The following ZNF112 variants were observed in gnomAD, a reference collection of about 807,000 sequenced individuals.
The protein encoded by ZNF112 is zinc finger protein 112.
ZNF112 carries 37 observed loss-of-function variants against 77.7 expected under a neutral mutation model. That is an observed-to-expected ratio of 0.48 (90% CI 0.37 to 0.63). The LOEUF is 0.63. Ranked by LOEUF, ZNF112 falls within the 20% of genes least tolerant of loss-of-function variation. ZNF112 has a pLI of 0.00. For missense variants in ZNF112, 950 were observed against 1,077.4 expected (o/e 0.88, Z 1.66); for synonymous variants, 333 against 363.6 (o/e 0.92, Z 0.96).
rs117169046 is a variant in ZNF112 at position 44,342,003 on chromosome 19, A to G, written c.-3-1461T>C. On this transcript the variant is annotated intron_variant, in intron 1 of 3. Coordinates refer to ENST00000354340, the MANE Select transcript of ZNF112 (RefSeq NM_013380.4). ...GCCCAATGCTTATCTTCCTGTATGA[A>G]CATGAACCTCTTAACAGTGCAAACG... Among the ~76,000 whole-genome samples the G allele has an allele frequency of 9.4e-3, 1,435 of 152,302 alleles. 7 individuals are homozygous for G. Among genetic ancestry groups the G allele is most frequent in the Non-Finnish European group, 0.016 (1,074 of 68,020 alleles).
chr19:44,337,298 AATAT>A (rs1053671557), intron 2 of ZNF112, among the ~76,000 whole-genome samples: 4 of 122,884 alleles, frequency 3.3e-5, no homozygotes, highest in African/African-American at 1.3e-4. Flanking sequence ...ATATGTATAA[AATAT>A]ATATATATTT....
intron 1 of ZNF112, among the ~76,000 whole-genome samples, chr19:44,354,307 C>T (rs1970746380): frequency 6.6e-6 from 1 of 152,012 alleles, no homozygotes; most frequent in Admixed American, 6.6e-5. Context: ...ACAAACTATG[C>T]CTGTGTTGTA....
chr19:44,366,900 CCCTTATGTTA>C (rs1243995895), intron 1 of ZNF112, among the ~76,000 whole-genome samples: 1 of 152,090 alleles, frequency 6.6e-6, no homozygotes, highest in Non-Finnish European at 1.5e-5. Context: ...ACTACTATTC[CCCTTATGTTA>C]CATAAAAGGA....
At position 44,329,834 on chromosome 19, in the gene ZNF112, C is replaced by T. The variant is rs762140215; in HGVS notation, c.323G>A (p.Gly108Asp). The T allele has an allele frequency of 6.2e-7, 1 of 1,613,982 alleles. No homozygotes were observed. The highest frequency in any genetic ancestry group is 1.1e-5 in the South Asian group (1 of 91,082). The change falls in exon 4 of 4, where the codon GGT becomes GAT. Residue 108 changes from glycine to aspartate, a missense_variant. This residue lies in a region of ZNF112 where 560 missense variants were observed against 557.3 expected (regional missense o/e 1.00). Transcript: ENST00000354340. ...SSRQTWQQSA[G>D]GLIRCQDFLK... ...GAAATCTTGACACCTGATTAACCCA[C>T]CTGCACTTTGTTGCCAGGTCTGACG...
rs1347855119 is a variant in ZNF112, at chr19:44,337,416, TA to T, written c.125-699del. Among the ~76,000 whole-genome samples the T allele has an allele frequency of 2.1e-4, 10 of 46,690 alleles. 1 individual carries two copies. Among genetic ancestry groups the T allele is most frequent in the Non-Finnish European group, 3.5e-4 (8 of 22,714 alleles). 30.6% of individuals were successfully genotyped at this position (46,690 alleles called of 152,430 possible). ...TATATAATATATATTTTATATATAATAATATATATTATATATATATGTCTGT... is the reference window on the plus strand; with the variant it reads ...TATATAATATATATTTTATATATAATATATATATTATATATATATGTCTGT... On this transcript the variant is annotated intron_variant, in intron 2 of 3. Coordinates refer to ENST00000354340, the MANE Select transcript of ZNF112 (RefSeq NM_013380.4).
chr19:44,329,224 A>T lies in ZNF112; in HGVS notation c.933T>A (p.His311Gln), dbSNP rs761949035. The change falls in exon 4 of 4, where the codon CAT becomes CAA. Residue 311 changes from histidine to glutamine, a missense_variant. By Grantham distance (24) the His-to-Gln change is conservative (BLOSUM62 0). Around this residue, in one of 3 missense-constraint regions of ZNF112, gnomAD observed 560 missense variants for 557.3 expected, o/e 1.00. Coordinates refer to ENST00000354340, the MANE Select transcript of ZNF112 (RefSeq NM_013380.4). Reference protein sequence around the residue: ...IEREDDIENSHLKSYQRVHTE... With the variant: ...IEREDDIENSQLKSYQRVHTE... ...TATGCACTCTCTGATAGGATTTCAG[A>T]TGTGAATTCTCAATATCATCTTCTC... The T allele has an allele frequency of 4.3e-6, 7 of 1,613,882 alleles. No individual in the cohort carries two copies. The Admixed American group carries it at 1.0e-4, about 23-fold the overall frequency.
chr19:44,366,199 A>C (rs1970902782), intron 1 of ZNF112, among the ~76,000 whole-genome samples: 1 of 152,184 alleles, frequency 6.6e-6, no homozygotes, highest in African/African-American at 2.4e-5. Flanking sequence ...AATAAAAATA[A>C]ATTTAAATTT....
At chr19:44,357,713 A>C (rs1970808294), upstream of ZNF112, among the ~76,000 whole-genome samples, 1 of 152,162 alleles carries the variant, frequency 6.6e-6, no homozygotes, top group South Asian at 2.1e-4. Flanking sequence ...ACAAAATGTT[A>C]TTATTATGGG....
intron 1 of ZNF112, among the ~76,000 whole-genome samples, chr19:44,361,807 G>T (rs1970856989): frequency 6.6e-6 from 1 of 152,100 alleles, no homozygotes. Flanking sequence ...ATCAAAATTG[G>T]TTCATTAGTT....
intron 1 of ZNF112, among the ~76,000 whole-genome samples, chr19:44,354,984 T>C (rs1970760369): frequency 6.6e-6 from 1 of 152,114 alleles, no homozygotes; most frequent in Admixed American, 6.5e-5. Flanking sequence ...CAATTTATGA[T>C]CATCAACGTT....
intron 1 of ZNF112, among the ~76,000 whole-genome samples, chr19:44,347,486 T>C (rs1381453314): frequency 3.1e-4 from 18 of 58,482 alleles, no homozygotes; most frequent in African/African-American, 2.4e-3. Flanking sequence ...TTTGGGTTGA[T>C]TTTTTTTTTT....
intron 1 of ZNF112, among the ~76,000 whole-genome samples, chr19:44,342,914 G>A (rs185102246): frequency 1.6e-4 from 25 of 151,832 alleles, no homozygotes; most frequent in African/African-American, 2.2e-4. Flanking sequence ...AAAATTAAGC[G>A]GATAAAAATT....
chr19:44,347,729 C>G (rs1442503895), intron 1 of ZNF112, among the ~76,000 whole-genome samples: 1 of 151,874 alleles, frequency 6.6e-6, no homozygotes, highest in Non-Finnish European at 1.5e-5. Flanking sequence ...ACACAAAAAC[C>G]TCTAGCCAAG....
intron 1 of ZNF112, among the ~76,000 whole-genome samples, chr19:44,349,238 T>A (rs570635517): frequency 1.3e-5 from 2 of 152,206 alleles, no homozygotes; most frequent in South Asian, 4.1e-4. Flanking sequence ...CCACTGTGAC[T>A]CAGCATTAGG....
chr19:44,347,473 T>C (rs1970611905), intron 1 of ZNF112, among the ~76,000 whole-genome samples: 1 of 147,698 alleles, frequency 6.8e-6, no homozygotes, highest in South Asian at 2.1e-4. Context: ...TTTTCTGCCT[T>C]CTTTTGGGTT....
At position 44,343,359 on chromosome 19, in the gene ZNF112, CTT is replaced by C. The variant is rs1179912408; in HGVS notation, c.-3-2819_-3-2818del. 3 of 1,431,166 alleles carry C rather than the reference CTT, an allele frequency of 2.1e-6. No individual in the cohort carries two copies. The African/African-American group carries it at 4.3e-5, about 21-fold the overall frequency. The allele number at this position is 1,431,166 out of a possible 1,614,324, so 88.7% of individuals were successfully genotyped here. The stretch of plus-strand genomic sequence containing the variant: ...AGCCATGATTAAAAGGGAAACGTAT[CTT>C]TGTGCAAATTAGAAAAAGGTGTCCC... On this transcript the variant is annotated intron_variant, in intron 1 of 3. Coordinates refer to ENST00000354340, the MANE Select transcript of ZNF112 (RefSeq NM_013380.4).
Position 44,356,619 on chromosome 19 carries a change from C to A in ZNF112, c.-4+7G>T. 6.6e-6 allele frequency: 1 copy of A among 152,586 alleles called. No individual in the cohort carries two copies. The allele number at this position is 152,586 out of a possible 1,614,324, so 9.5% of individuals were successfully genotyped here. On this transcript the variant is annotated splice_region_variant and intron_variant, in intron 1 of 3. Coordinates refer to ENST00000354340, the MANE Select transcript of ZNF112 (RefSeq NM_013380.4). ...AAGGAGCAGGAAGCAGGGCGGGGAGCGCTCACCTTTCTGGGAGGAACGAAG... is the reference window on the plus strand; with the variant it reads ...AAGGAGCAGGAAGCAGGGCGGGGAGAGCTCACCTTTCTGGGAGGAACGAAG...
At chr19:44,362,252 TAGGAGGAGGAGAA>T (rs1970862125) in intron 1 of ZNF112, among the ~76,000 whole-genome samples, 1 of 150,800 alleles carries the variant, frequency 6.6e-6, no homozygotes, top group Non-Finnish European at 1.5e-5. Context: ...TGAGGGTATG[TAGGAGGAGGAGAA>T]GTAGGAGGAG....
chr19:44,350,925 T>C (rs1015548832), intron 1 of ZNF112, among the ~76,000 whole-genome samples: 2 of 152,164 alleles, frequency 1.3e-5, no homozygotes, highest in African/African-American at 2.4e-5. Flanking sequence ...TAGTTTCTAT[T>C]GCTGCTATAA....
Sources: gnomAD v4.1 joint callset for allele counts (sites outside exome capture counted in the v4.1 genomes callset) on GRCh38, gnomAD v4.1.1 for gene constraint, gnomAD v4.1.1 regional missense constraint, MANE v1.5 for transcripts, NCBI Gene and HGNC (gene_info 2026-07-23, HGNC 2026-07-21) for gene names.